The following KCNQ1OT1 variants were observed in gnomAD, a reference collection of about 807,000 sequenced individuals.
The protein encoded by KCNQ1OT1 is KCNQ1 antisense RNA 2 (non-protein coding).
rs561372674 is a variant in KCNQ1OT1 at position 2,661,440 on chromosome 11, C to A, written n.38555G>T. 5.3e-5 allele frequency: 23 copies of A among 437,682 alleles called. No individual in the cohort carries two copies. The highest frequency in any genetic ancestry group is 4.2e-4 in the African/African-American group (21 of 50,096). The allele number at this position is 437,682 out of a possible 1,614,324, so 27.1% of individuals were successfully genotyped here. A position where few individuals can be genotyped will look rare whatever the true frequency, so the allele number is the denominator to read the frequency against. On this transcript the variant is annotated non_coding_transcript_exon_variant, in exon 1 of 1. Coordinates refer to ENST00000597346, the Ensembl canonical transcript of KCNQ1OT1. The surrounding 1 kb of genome is among the most constrained non-coding windows in gnomAD (Gnocchi z 5.9). Reference sequence around the variant, plus strand: ...TTGGGGGTACAACTGGTTGATGTAGCATCGTGTTTTGAGGAAGGAGTTCTG... The same window carrying A: ...TTGGGGGTACAACTGGTTGATGTAGAATCGTGTTTTGAGGAAGGAGTTCTG...
At position 2,670,072 on chromosome 11, in the gene KCNQ1OT1, T is replaced by C. The variant is rs978050529; in HGVS notation, n.29923A>G. On this transcript the variant is annotated non_coding_transcript_exon_variant, in exon 1 of 1. Transcript: ENST00000597346. This position sits in a 1 kb window ranked among gnomAD's most constrained non-coding sequence, Gnocchi z 4.9. Reference sequence around the variant, plus strand: ...TCACTATTCTGCTCTGGGGAGGGGGTTGGAGGCAGAATCAGTGGACTGTGT... The same window carrying C: ...TCACTATTCTGCTCTGGGGAGGGGGCTGGAGGCAGAATCAGTGGACTGTGT... 8 of 398,078 alleles carry C rather than the reference T, an allele frequency of 2.0e-5. No individual in the cohort carries two copies. The highest frequency in any genetic ancestry group is 3.5e-5 in the Non-Finnish European group (8 of 225,994). The allele number at this position is 398,078 out of a possible 1,614,324, so 24.7% of individuals were successfully genotyped here.
exon 1 of KCNQ1OT1, chr11:2,644,150 G>A: frequency 5.0e-6 from 2 of 398,570 alleles, no homozygotes; most frequent in Non-Finnish European, 8.8e-6. Context: ...GGGAGATTGG[G>A]AAGTGTTCAG....
chr11:2,646,226 C>T, exon 1 of KCNQ1OT1: 1 of 398,636 alleles, frequency 2.5e-6, no homozygotes, highest in Non-Finnish European at 4.4e-6. Context: ...CCAGATGCCT[C>T]TAGTCAGCCA....
In KCNQ1OT1 at chr11:2,677,191, A is replaced by G. The variant is rs996169878; in HGVS notation, n.22804T>C. ...CTTATCCCTACTTGTATCTCTGCTG[A>G]CTGACCTCTTTGGCTGTCTCTTGTC... On this transcript the variant is annotated non_coding_transcript_exon_variant, in exon 1 of 1. Transcript: ENST00000597346. The surrounding 1 kb of genome is among the most constrained non-coding windows in gnomAD (Gnocchi z 4.5). 8 of 398,480 alleles carry G rather than the reference A, an allele frequency of 2.0e-5. No homozygotes were observed. The highest frequency in any genetic ancestry group is 1.6e-4 in the African/African-American group (8 of 48,632). The allele number at this position is 398,480 out of a possible 1,614,324, so 24.7% of individuals were successfully genotyped here.
exon 1 of KCNQ1OT1, chr11:2,660,442 A>G: frequency 2.5e-6 from 1 of 398,648 alleles, no homozygotes; most frequent in Non-Finnish European, 4.4e-6. Flanking sequence ...ATTTTCTAGG[A>G]TAAAAGCAAC....
Position 2,690,451 on chromosome 11 carries a change from A to G in KCNQ1OT1, n.9544T>C, listed in dbSNP as rs1396420793. 3 of 398,512 alleles carry G rather than the reference A, an allele frequency of 7.5e-6. No homozygotes were observed. Among genetic ancestry groups the G allele is most frequent in the African/African-American group, 6.2e-5 (3 of 48,638 alleles). The allele number at this position is 398,512 out of a possible 1,614,324, so 24.7% of individuals were successfully genotyped here. A position where few individuals can be genotyped will look rare whatever the true frequency, so the allele number is the denominator to read the frequency against. The stretch of plus-strand genomic sequence containing the variant: ...CTGGGAGCTAGAGCTGGGTTAAGAT[A>G]AGAGCAGAGACTGGGTCCTGGGAAC... On this transcript the variant is annotated non_coding_transcript_exon_variant, in exon 1 of 1. Coordinates refer to ENST00000597346, the Ensembl canonical transcript of KCNQ1OT1. This position sits in a 1 kb window ranked among gnomAD's most constrained non-coding sequence, Gnocchi z 5.1.
rs927093844 is a variant in KCNQ1OT1 at position 2,670,879 on chromosome 11, G to A, written n.29116C>T. 2.5e-6 allele frequency: 1 copy of A among 398,644 alleles called. No individual in the cohort carries two copies. Among genetic ancestry groups the A allele is most frequent in the Non-Finnish European group, 4.4e-6 (1 of 226,076 alleles). 24.7% of individuals were successfully genotyped at this position (398,644 alleles called of 1,614,324 possible). Reference sequence around the variant, plus strand: ...TCACTGGCCAGTGGGCCACTGGGAAGCCTCCTGGATTGCCTGGACAAGGCT... The same window carrying A: ...TCACTGGCCAGTGGGCCACTGGGAAACCTCCTGGATTGCCTGGACAAGGCT... On this transcript the variant is annotated non_coding_transcript_exon_variant, in exon 1 of 1. Coordinates refer to ENST00000597346, the Ensembl canonical transcript of KCNQ1OT1. This position sits in a 1 kb window ranked among gnomAD's most constrained non-coding sequence, Gnocchi z 4.9.
chr11:2,613,343 C>T lies in KCNQ1OT1; in HGVS notation n.86652G>A, dbSNP rs151143862. 3,749 of 398,524 alleles carry T rather than the reference C, an allele frequency of 9.4e-3. 20 individuals carry two copies. Among genetic ancestry groups the T allele is most frequent in the Non-Finnish European group, 0.012 (2,811 of 226,042 alleles). The allele number at this position is 398,524 out of a possible 1,614,324, so 24.7% of individuals were successfully genotyped here. A position where few individuals can be genotyped will look rare whatever the true frequency, so the allele number is the denominator to read the frequency against. The stretch of plus-strand genomic sequence containing the variant: ...AAATTTTTCTTAATCTGTCGCTTGC[C>T]CAACCAGTATTGAAACATTAGGTTG... On this transcript the variant is annotated non_coding_transcript_exon_variant, in exon 1 of 1. Coordinates refer to ENST00000597346, the Ensembl canonical transcript of KCNQ1OT1. This position sits in a 1 kb window ranked among gnomAD's most constrained non-coding sequence, Gnocchi z 4.8.
Position 2,682,517 on chromosome 11 carries a change from C to A in KCNQ1OT1, n.17478G>T. The A allele has an allele frequency of 2.6e-6, 1 of 385,152 alleles. No individual in the cohort carries two copies. The highest frequency in any genetic ancestry group is 1.3e-4 in the South Asian group (1 of 7,480). The allele number at this position is 385,152 out of a possible 1,614,324, so 23.9% of individuals were successfully genotyped here. ...GAGTGAGTGAGTGAGTACTTGTGCC[C>A]AGGTCAAACCAGGTGCTAGGACCCT... On this transcript the variant is annotated non_coding_transcript_exon_variant, in exon 1 of 1. Transcript: ENST00000597346. This position sits in a 1 kb window ranked among gnomAD's most constrained non-coding sequence, Gnocchi z 5.8.
rs1590000352 is a variant in KCNQ1OT1, at chr11:2,642,931, C to T, written n.57064G>A. 1 of 397,926 alleles carries T rather than the reference C, an allele frequency of 2.5e-6. No individual in the cohort carries two copies. Among genetic ancestry groups the T allele is most frequent in the Non-Finnish European group, 4.4e-6 (1 of 225,680 alleles). 24.6% of individuals were successfully genotyped at this position (397,926 alleles called of 1,614,324 possible). A position where few individuals can be genotyped will look rare whatever the true frequency, so the allele number is the denominator to read the frequency against. Reference sequence around the variant, plus strand: ...TTTCTTCTTTGACCCATTGGTCATTCAGGAACATGTTAATTTCCATTTATT... The same window carrying T: ...TTTCTTCTTTGACCCATTGGTCATTTAGGAACATGTTAATTTCCATTTATT... On this transcript the variant is annotated non_coding_transcript_exon_variant, in exon 1 of 1. Coordinates refer to ENST00000597346, the Ensembl canonical transcript of KCNQ1OT1. The surrounding 1 kb of genome is among the most constrained non-coding windows in gnomAD (Gnocchi z 4.3).
Position 2,663,788 on chromosome 11 carries a change from G to A in KCNQ1OT1, n.36207C>T, listed in dbSNP as rs1850012554. ...TCACAGCCAAACTTGCAGCTGCCCA[G>A]TAAATCACCACTATGGGGGTGAGGG... On this transcript the variant is annotated non_coding_transcript_exon_variant, in exon 1 of 1. Coordinates refer to ENST00000597346, the Ensembl canonical transcript of KCNQ1OT1. This position sits in a 1 kb window ranked among gnomAD's most constrained non-coding sequence, Gnocchi z 5.2. 1.0e-5 allele frequency: 4 copies of A among 398,606 alleles called. No individual in the cohort carries two copies. Among genetic ancestry groups the A allele is most frequent in the South Asian group, 2.5e-4 (2 of 7,862 alleles). 24.7% of individuals were successfully genotyped at this position (398,606 alleles called of 1,614,324 possible).
exon 1 of KCNQ1OT1, chr11:2,696,628 T>G: frequency 2.5e-6 from 1 of 398,690 alleles, no homozygotes; most frequent in African/African-American, 2.0e-5. Context: ...GGAGTCCTGT[T>G]GAACTTAACA....
At position 2,677,627 on chromosome 11, in the gene KCNQ1OT1, A is replaced by G. The variant is rs1036583087; in HGVS notation, n.22368T>C. On this transcript the variant is annotated non_coding_transcript_exon_variant, in exon 1 of 1. Transcript: ENST00000597346. This position sits in a 1 kb window ranked among gnomAD's most constrained non-coding sequence, Gnocchi z 4.5. Reference sequence around the variant, plus strand: ...ATTTGTTTTTTTCTAAAACGTGTACATAATTGTAACTCTAACAACTGTTAT... The same window carrying G: ...ATTTGTTTTTTTCTAAAACGTGTACGTAATTGTAACTCTAACAACTGTTAT... The G allele has an allele frequency of 2.5e-6, 1 of 398,534 alleles. No individual in the cohort carries two copies. The highest frequency in any genetic ancestry group is 2.1e-5 in the African/African-American group (1 of 48,642). 24.7% of individuals were successfully genotyped at this position (398,534 alleles called of 1,614,324 possible).
exon 1 of KCNQ1OT1, chr11:2,649,948 T>G (rs755481831): frequency 1.0e-5 from 4 of 398,400 alleles, no homozygotes; most frequent in African/African-American, 8.2e-5. Context: ...AGCTTAATAG[T>G]GTCTCATATG....
chr11:2,629,928 A>G, exon 1 of KCNQ1OT1: 1 of 398,346 alleles, frequency 2.5e-6, no homozygotes, highest in Non-Finnish European at 4.4e-6. Context: ...TTTCTTGCCC[A>G]ATTCCTCTGG....
exon 1 of KCNQ1OT1, chr11:2,693,158 T>C (rs1000004350): frequency 2.8e-5 from 11 of 398,596 alleles, no homozygotes; most frequent in Non-Finnish European, 1.8e-5. Flanking sequence ...GTCTACACTC[T>C]GTGATCCACT....
chr11:2,678,435 ATCTC>A lies in KCNQ1OT1; in HGVS notation n.21556_21559del, dbSNP rs1380521686. The A allele has an allele frequency of 2.5e-6, 1 of 398,466 alleles. No individual in the cohort carries two copies. Among genetic ancestry groups the A allele is most frequent in the Non-Finnish European group, 4.4e-6 (1 of 226,074 alleles). The allele number at this position is 398,466 out of a possible 1,614,324, so 24.7% of individuals were successfully genotyped here. ...ACACTATTTATTTGAGTACATCATC[ATCTC>A]TCTACTAATTTCAACTGCTACCTTT... On this transcript the variant is annotated non_coding_transcript_exon_variant, in exon 1 of 1. Transcript: ENST00000597346. The surrounding 1 kb of genome is among the most constrained non-coding windows in gnomAD (Gnocchi z 4.9).
rs112065678 is a variant in KCNQ1OT1 at position 2,667,065 on chromosome 11, T to C, written n.32930A>G. 81 of 398,628 alleles carry C rather than the reference T, an allele frequency of 2.0e-4. 2 individuals carry two copies. Among genetic ancestry groups the C allele is most frequent in the African/African-American group, 1.4e-3 (68 of 48,754 alleles). 24.7% of individuals were successfully genotyped at this position (398,628 alleles called of 1,614,324 possible). On this transcript the variant is annotated non_coding_transcript_exon_variant, in exon 1 of 1. Coordinates refer to ENST00000597346, the Ensembl canonical transcript of KCNQ1OT1. ...GCCAGGCTCAAACCCGTCTCTGAAA[T>C]GCACGGGGGGATTAAATGTTCTTCT...
exon 1 of KCNQ1OT1, chr11:2,660,078 G>A (rs967775354): frequency 6.3e-5 from 25 of 398,182 alleles, no homozygotes; most frequent in African/African-American, 1.4e-4. Context: ...TTTCTCTTAC[G>A]AGTTAAACTT....
Sources: allele counts gnomAD v4.1 joint callset, GRCh38; gene constraint gnomAD v4.1.1; non-coding constraint Gnocchi (gnomAD v3.1); transcripts MANE v1.5; gene names NCBI Gene and HGNC (gene_info 2026-07-23, HGNC 2026-07-21).